The following RSRC1 variants were observed in gnomAD, a reference collection of about 807,000 sequenced individuals.
RSRC1 encodes arginine and serine rich coiled-coil 1.
A neutral mutation model predicts 49.1 loss-of-function variants in RSRC1; 39 were observed. The observed-to-expected ratio is 0.79, with a 90% CI of 0.61 to 1.04. The LOEUF (loss-of-function observed/expected upper bound fraction) is 1.04. RSRC1 is among the 50% of genes least tolerant of loss of function. The pLI is 0.00. For synonymous variants in RSRC1, 143 were observed against 130.8 expected, an observed-to-expected ratio of 1.09 and a Z score of -0.63; for missense variants, 388 against 402.4, an observed-to-expected ratio of 0.96 and a Z score of 0.31.
intron 7 of RSRC1, among the ~76,000 whole-genome samples, chr3:158,467,047 T>C (rs191220231): frequency 2.4e-4 from 36 of 152,318 alleles, no homozygotes; most frequent in African/African-American, 8.7e-4. Flanking sequence ...AGTCCAGAGC[T>C]GCTCTCTAGT....
At position 158,519,366 on chromosome 3, in the gene RSRC1, T is replaced by C. The variant is rs139610285; in HGVS notation, c.653-17726T>C. On this transcript the variant is annotated intron_variant, in intron 7 of 9. Transcript: ENST00000611884. ...TCGTATTAGAGAGTGACCAGTGTTT[T>C]CTTTACTATCTCTTGTGCTAGAAAG... 4.4e-3 allele frequency among the ~76,000 whole-genome samples: 674 copies of C among 152,076 alleles called. 3 individuals carry two copies. Among genetic ancestry groups the C allele is most frequent in the Non-Finnish European group, 7.6e-3 (515 of 68,004 alleles).
chr3:158,252,008 G>A (rs1578245361), intron 4 of RSRC1, among the ~76,000 whole-genome samples: 1 of 152,054 alleles, frequency 6.6e-6, no homozygotes, highest in East Asian at 1.9e-4. Flanking sequence ...CCAGCTTTTT[G>A]AGGGTTTTTG....
chr3:158,276,256 T>G (rs1725806476), intron 4 of RSRC1: 2 of 770,224 alleles, frequency 2.6e-6, no homozygotes, highest in Non-Finnish European at 4.7e-6. Flanking sequence ...TAACCTTTCT[T>G]GGCCTTGCAG....
At chr3:158,452,174 A>G (rs1313301552) in intron 6 of RSRC1, among the ~76,000 whole-genome samples, 4 of 152,278 alleles carry the variant, frequency 2.6e-5, no homozygotes, top group African/African-American at 9.6e-5. Flanking sequence ...AGAGCATTAA[A>G]TTAATATTAA....
chr3:158,275,488 A>G (rs1725754055), intron 4 of RSRC1, among the ~76,000 whole-genome samples: 1 of 152,202 alleles, frequency 6.6e-6, no homozygotes, highest in Non-Finnish European at 1.5e-5. Context: ...GTTTCATCAC[A>G]TGCACCAGAC....
intron 4 of RSRC1, among the ~76,000 whole-genome samples, chr3:158,296,122 C>G (rs1487967054): frequency 6.6e-6 from 1 of 151,922 alleles, no homozygotes; most frequent in Non-Finnish European, 1.5e-5. Flanking sequence ...TACTTTGAAT[C>G]TGATCATTTT....
intron 3 of RSRC1, among the ~76,000 whole-genome samples, chr3:158,199,049 G>T (rs1431026277): frequency 1.3e-5 from 2 of 152,172 alleles, no homozygotes; most frequent in East Asian, 3.9e-4. Flanking sequence ...CCCCATGGGA[G>T]ATGATTGAAT....
chr3:158,537,839 A>G (rs1712800944), intron 8 of RSRC1, among the ~76,000 whole-genome samples: 1 of 151,770 alleles, frequency 6.6e-6, no homozygotes, highest in Non-Finnish European at 1.5e-5. Flanking sequence ...TTCTACATCC[A>G]TAAATTGTAT....
At chr3:158,261,435 C>A (rs535810704) in intron 4 of RSRC1, among the ~76,000 whole-genome samples, 11 of 152,120 alleles carry the variant, frequency 7.2e-5, no homozygotes, top group African/African-American at 2.7e-4. Flanking sequence ...GTGTTTAAAT[C>A]TTTTGGTTGT....
At chr3:158,507,107 G>T (rs1199396402) in intron 7 of RSRC1, among the ~76,000 whole-genome samples, 1 of 151,922 alleles carries the variant, frequency 6.6e-6, no homozygotes, top group Non-Finnish European at 1.5e-5. Context: ...GGATGGAACT[G>T]GAGGTCATTA....
chr3:158,232,289 T>C (rs6780413), intron 4 of RSRC1, among the ~76,000 whole-genome samples: 6,623 of 152,220 alleles, frequency 0.044, 472 homozygotes, highest in African/African-American at 0.15. Flanking sequence ...TTATAACTGA[T>C]CAAATCTTAA....
intron 6 of RSRC1, among the ~76,000 whole-genome samples, chr3:158,412,369 ATTAT>A (rs1734508030): frequency 6.6e-6 from 1 of 152,120 alleles, no homozygotes; most frequent in Non-Finnish European, 1.5e-5. Context: ...AGTTTAAATG[ATTAT>A]TTAAGAGAAA....
intron 3 of RSRC1, among the ~76,000 whole-genome samples, chr3:158,139,785 C>G (rs1716628459): frequency 1.3e-5 from 2 of 151,980 alleles, no homozygotes; most frequent in African/African-American, 2.4e-5. Context: ...AGGCGTGTGC[C>G]ACCACGCCCA....
rs1713189310 is a variant in RSRC1 at position 158,544,049 on chromosome 3, G to A, written c.913-134G>A. The stretch of plus-strand genomic sequence containing the variant: ...CCAAATAGATAGTCATCAATTAAGA[G>A]GTCATCAAGAGTTAAACAGTATCCA... On this transcript the variant is annotated intron_variant, in intron 9 of 9. Transcript: ENST00000611884. 5 of 602,698 alleles carry A rather than the reference G, an allele frequency of 8.3e-6. No individual in the cohort carries two copies. In the South Asian group the frequency reaches 1.1e-4, roughly 13 times the overall value. The allele number at this position is 602,698 out of a possible 1,614,324, so 37.3% of individuals were successfully genotyped here.
intron 7 of RSRC1, among the ~76,000 whole-genome samples, chr3:158,526,818 G>A (rs561823238): frequency 4.6e-5 from 7 of 151,874 alleles, no homozygotes; most frequent in Non-Finnish European, 1.0e-4. Flanking sequence ...AATTATGTTA[G>A]GTATCCATTT....
chr3:158,339,066 A>G (rs897931418), intron 5 of RSRC1, among the ~76,000 whole-genome samples: 8 of 150,940 alleles, frequency 5.3e-5, no homozygotes, highest in Non-Finnish European at 1.2e-4. Context: ...GCCGAGGAGG[A>G]TGGATCATGA....
At chr3:158,110,701 C>T (rs569841108) in intron 1 of RSRC1, 3 of 152,672 alleles carry the variant, frequency 2.0e-5, no homozygotes, top group South Asian at 4.1e-4. Context: ...TGATTCCGCC[C>T]TACCCTTTCT....
At chr3:158,141,307 C>T (rs1353102904) in intron 3 of RSRC1, among the ~76,000 whole-genome samples, 2 of 152,120 alleles carry the variant, frequency 1.3e-5, no homozygotes, top group Non-Finnish European at 2.9e-5. Flanking sequence ...TCTTGGGTCA[C>T]ATCAGGTATA....
At chr3:158,285,857 C>T (rs1275677611) in intron 4 of RSRC1, among the ~76,000 whole-genome samples, 3 of 152,174 alleles carry the variant, frequency 2.0e-5, no homozygotes, top group South Asian at 2.1e-4. Context: ...ATTTGACTTC[C>T]TCTTTTCCTA....
Sources: gnomAD v4.1 joint callset for allele counts (sites outside exome capture counted in the v4.1 genomes callset) on GRCh38, gnomAD v4.1.1 for gene constraint, MANE v1.5 for transcripts, NCBI Gene and HGNC (gene_info 2026-07-23, HGNC 2026-07-21) for gene names.